AOPEP: variants seen among roughly 807,000 people sequenced by gnomAD.
AOPEP encodes the protein aminopeptidase O (putative).
In AOPEP, 77 loss-of-function variants were observed where a neutral mutation model predicts 98.1. That is an observed-to-expected ratio of 0.78 (90% CI 0.65 to 0.95). The LOEUF (loss-of-function observed/expected upper bound fraction) is 0.95, where lower values mean the gene tolerates loss of function less well. AOPEP is among the 40% of genes least tolerant of loss of function. AOPEP has a pLI of 0.00. For synonymous variants in AOPEP, 346 were observed against 365.3 expected, an observed-to-expected ratio of 0.95 and a Z score of 0.60; for missense variants, 1,024 against 1,024.7, an observed-to-expected ratio of 1.00 and a Z score of 0.01.
chr9:94,728,954 GT>G (rs1479986167), intron 1 of AOPEP, among the ~76,000 whole-genome samples: 1 of 152,220 alleles, frequency 6.6e-6, no homozygotes, highest in Admixed American at 6.5e-5. Flanking sequence ...ATTGAGGAAA[GT>G]TGGTAGAAGT....
At chr9:95,111,561 A>G in the AOPEP span, 1 of 1,614,008 alleles carries the variant, frequency 6.2e-7, no homozygotes, top group Non-Finnish European at 8.5e-7. Flanking sequence ...GACATCAGTA[A>G]TTGCTCTGCC....
Position 95,005,204 on chromosome 9 carries a change from G to T in AOPEP, c.2024G>T (p.Arg675Leu), listed in dbSNP as rs2061896952. Residue 675 changes from arginine to leucine, a missense_variant, in exon 12 of 17, where the codon CGG becomes CTG. Arg to Leu is a moderately radical substitution (Grantham distance 102). Coordinates refer to ENST00000375315, the MANE Select transcript of AOPEP (RefSeq NM_001193329.3). ...RRAGAECGLA[R>L]QVRAEVTKWI... Reference sequence around the variant, plus strand: ...GCCGGGGCGGAGTGCGGGCTTGCGCGGCAAGTGCGCGCCGAGGTGAGTGCG... The same window carrying T: ...GCCGGGGCGGAGTGCGGGCTTGCGCTGCAAGTGCGCGCCGAGGTGAGTGCG... 1 of 1,131,422 alleles carries T rather than the reference G, an allele frequency of 8.8e-7. No individual in the cohort carries two copies. Among genetic ancestry groups the T allele is most frequent in the South Asian group, 3.6e-5 (1 of 27,808 alleles). The allele number at this position is 1,131,422 out of a possible 1,614,324, so 70.1% of individuals were successfully genotyped here.
chr9:95,027,994 T>C lies in AOPEP; in HGVS notation c.2115+22378T>C, dbSNP rs560777079. Reference sequence around the variant, plus strand: ...CACCCTTTGGGTCTCAGCAGAATCATGAGCCTCAGAACACTCATTGCAGGC... The same window carrying C: ...CACCCTTTGGGTCTCAGCAGAATCACGAGCCTCAGAACACTCATTGCAGGC... On this transcript the variant is annotated intron_variant, in intron 13 of 16. Coordinates refer to ENST00000375315, the MANE Select transcript of AOPEP (RefSeq NM_001193329.3). Among the ~76,000 whole-genome samples the C allele has an allele frequency of 1.4e-3, 212 of 152,316 alleles. 2 individuals are homozygous for C. The highest frequency in any genetic ancestry group is 4.9e-3 in the African/African-American group (202 of 41,576).
intron 1 of AOPEP, among the ~76,000 whole-genome samples, chr9:94,748,520 A>G (rs961553027): frequency 6.6e-6 from 1 of 152,176 alleles, no homozygotes. Flanking sequence ...GCTTCTCTTC[A>G]TGTTCTTATA....
At chr9:94,837,947 A>G (rs767224857) in intron 5 of AOPEP, among the ~76,000 whole-genome samples, 3 of 152,230 alleles carry the variant, frequency 2.0e-5, no homozygotes, top group Non-Finnish European at 4.4e-5. Flanking sequence ...AGGTCATCCA[A>G]ATTGGTAAAG....
At chr9:94,944,896 G>A (rs1441725107) in intron 7 of AOPEP, among the ~76,000 whole-genome samples, 1 of 152,104 alleles carries the variant, frequency 6.6e-6, no homozygotes, top group Non-Finnish European at 1.5e-5. Context: ...CACTATATGT[G>A]AATTACATCT....
chr9:94,875,351 A>G (rs1265463765), intron 5 of AOPEP, among the ~76,000 whole-genome samples: 3 of 136,366 alleles, frequency 2.2e-5, no homozygotes, highest in Non-Finnish European at 3.1e-5. Flanking sequence ...GAGCAAGAAA[A>G]AAAAAAAAAA....
intron 10 of AOPEP, among the ~76,000 whole-genome samples, chr9:94,978,321 G>T (rs2059975805): frequency 6.6e-6 from 1 of 152,040 alleles, no homozygotes. Flanking sequence ...TATCTTGGTG[G>T]AAAGGTGAAT....
chr9:95,025,538 A>T (rs1179912260), intron 13 of AOPEP, among the ~76,000 whole-genome samples: 1 of 152,210 alleles, frequency 6.6e-6, no homozygotes, highest in Non-Finnish European at 1.5e-5. Context: ...GCAAAAGTTA[A>T]TTCATCAGGA....
chr9:94,934,315 CTTT>C (rs974551445), intron 7 of AOPEP, among the ~76,000 whole-genome samples: 3 of 116,726 alleles, frequency 2.6e-5, no homozygotes, highest in African/African-American at 4.0e-5. Flanking sequence ...CTTCTCCCAT[CTTT>C]TTTTTTTTTT....
At chr9:94,955,584 T>A (rs954911414) in intron 8 of AOPEP, among the ~76,000 whole-genome samples, 1 of 152,208 alleles carries the variant, frequency 6.6e-6, no homozygotes, top group Non-Finnish European at 1.5e-5. Context: ...GAGAAGGAAG[T>A]GTTTTCTGTC....
chr9:94,805,470 G>GT (rs1849057034), intron 5 of AOPEP, among the ~76,000 whole-genome samples: 1 of 149,008 alleles, frequency 6.7e-6, no homozygotes, highest in Admixed American at 6.6e-5. Flanking sequence ...AGTTTGAAAG[G>GT]TTTTTTGTTT....
intron 9 of AOPEP, among the ~76,000 whole-genome samples, chr9:94,966,096 C>T (rs895004306): frequency 5.2e-5 from 7 of 134,888 alleles, no homozygotes; most frequent in South Asian, 2.5e-4. Context: ...CATCAGAGTC[C>T]TGTGTAGAGT....
At chr9:95,098,087 T>A in the AOPEP span, among the ~76,000 whole-genome samples, 1 of 152,158 alleles carries the variant, frequency 6.6e-6, no homozygotes, top group East Asian at 1.9e-4. Flanking sequence ...CAAAAAAATT[T>A]TGGATTCCTT....
chr9:94,900,109 AG>A (rs563764745), intron 5 of AOPEP, among the ~76,000 whole-genome samples: 2 of 152,194 alleles, frequency 1.3e-5, no homozygotes, highest in African/African-American at 4.8e-5. Context: ...AGCACTGGGC[AG>A]GGGGGTCAGA....
rs1005228343 is a variant in AOPEP, at chr9:94,741,960, C to T, written c.-136+15209C>T. Reference sequence around the variant, plus strand: ...GCATACTTCCATTTACAACTCAGCACTAGAGTGCAGTCACATGTCAGTAAC... The same window carrying T: ...GCATACTTCCATTTACAACTCAGCATTAGAGTGCAGTCACATGTCAGTAAC... On this transcript the variant is annotated intron_variant, in intron 1 of 16. Coordinates refer to ENST00000375315, the MANE Select transcript of AOPEP (RefSeq NM_001193329.3). 2.0e-5 allele frequency among the ~76,000 whole-genome samples: 3 copies of T among 152,150 alleles called. 1 individual carries two copies. The highest frequency in any genetic ancestry group is 7.2e-5 in the African/African-American group (3 of 41,430).
chr9:94,999,003 A>G (rs892496368), intron 11 of AOPEP, among the ~76,000 whole-genome samples: 2 of 152,190 alleles, frequency 1.3e-5, no homozygotes, highest in Non-Finnish European at 2.9e-5. Context: ...TTATAAGTAG[A>G]GTTATAAGTT....
At chr9:94,955,088 A>C (rs1012845179) in intron 7 of AOPEP, 89 bp from the exon 8 acceptor site, 5 of 704,550 alleles carry the variant, frequency 7.1e-6, no homozygotes, top group Middle Eastern at 2.5e-4. Flanking sequence ...GATATTGAGC[A>C]ACTCTGAAAA....
rs1345423491 is a variant in AOPEP at position 94,774,889 on chromosome 9, A to G, written c.964+1721A>G. ...CAGCAGCAGGTCTCTCTTTAATTGG[A>G]TTACTTTGATGATTAGTGAGTTTCA... is the stretch of plus-strand genomic sequence containing the variant. On this transcript the variant is annotated intron_variant, in intron 3 of 16. Coordinates refer to ENST00000375315, the MANE Select transcript of AOPEP (RefSeq NM_001193329.3). Among the ~76,000 whole-genome samples the G allele has an allele frequency of 6.6e-5, 10 of 152,238 alleles. No individual in the cohort carries two copies. The East Asian group carries it at 1.9e-3, about 29-fold the overall frequency.
Sources: allele counts gnomAD v4.1 joint callset (sites outside exome capture counted in the v4.1 genomes callset), GRCh38; gene constraint gnomAD v4.1.1; transcripts MANE v1.5; gene names NCBI Gene and HGNC (gene_info 2026-07-23, HGNC 2026-07-21).